Variants in CSMD1 observed in about 807,000 individuals in gnomAD.
CSMD1 encodes CUB and Sushi multiple domains 1, also known as CUB and sushi domain-containing protein 1.
Under a neutral mutation model 417.5 loss-of-function variants are expected in CSMD1, and 213 were observed. That is an observed-to-expected ratio of 0.51 (90% confidence interval 0.46 to 0.57). CSMD1 has a LOEUF of 0.57. Ranked by LOEUF, CSMD1 falls within the 20% of genes least tolerant of loss-of-function variation. CSMD1 has a pLI of 0.00. For missense variants in CSMD1, 6,923 were observed against 4,529.7 expected (o/e 1.53, Z -15.17); for synonymous variants, 2,862 against 1,736.8 (o/e 1.65, Z -16.11).
intron 48 of CSMD1, among the ~76,000 whole-genome samples, chr8:3,090,282 A>T (rs1163411099): frequency 1.5e-5 from 2 of 129,288 alleles, no homozygotes; most frequent in Non-Finnish European, 3.1e-5. Flanking sequence ...GCACCACTGC[A>T]CTCCAGCCTG....
intron 26 of CSMD1, among the ~76,000 whole-genome samples, chr8:3,236,713 T>C (rs545120330): frequency 1.2e-3 from 180 of 152,330 alleles, no homozygotes; most frequent in African/African-American, 4.0e-3. Flanking sequence ...TGCCACATCA[T>C]ACACTTCACT....
chr8:4,349,470 T>C (rs368078580), intron 3 of CSMD1, among the ~76,000 whole-genome samples: 98 of 152,320 alleles, frequency 6.4e-4, no homozygotes, highest in African/African-American at 2.1e-3. Context: ...TCAGGTTATA[T>C]AGGTAGAAAA....
At chr8:3,325,951 C>A (rs1806502247) in intron 23 of CSMD1, among the ~76,000 whole-genome samples, 1 of 152,134 alleles carries the variant, frequency 6.6e-6, no homozygotes, top group Non-Finnish European at 1.5e-5. Flanking sequence ...AAATAATTGG[C>A]AAAACTAAAC....
At chr8:3,499,502 G>T (rs112210411) in intron 10 of CSMD1, among the ~76,000 whole-genome samples, 7 of 152,182 alleles carry the variant, frequency 4.6e-5, no homozygotes, top group Middle Eastern at 3.4e-3. Context: ...TGCTTGGAGT[G>T]GGGGGAGTGT....
At chr8:3,339,640 C>T (rs1011704297) in intron 23 of CSMD1, among the ~76,000 whole-genome samples, 3 of 152,214 alleles carry the variant, frequency 2.0e-5, no homozygotes, top group Non-Finnish European at 4.4e-5. Flanking sequence ...ATATCCAATG[C>T]TTCTGTTACT....
intron 1 of CSMD1, among the ~76,000 whole-genome samples, chr8:4,888,851 G>T (rs989945014): frequency 6.6e-6 from 1 of 152,176 alleles, no homozygotes; most frequent in East Asian, 1.9e-4. Flanking sequence ...GAGATTTTCA[G>T]CAACAAAGAG....
At chr8:3,136,374 C>G (rs1342644857) in intron 41 of CSMD1, among the ~76,000 whole-genome samples, 2 of 151,678 alleles carry the variant, frequency 1.3e-5, no homozygotes, top group East Asian at 1.9e-4. Flanking sequence ...AAGCGATTCT[C>G]CTGCCTCAGC....
chr8:4,477,080 A>C (rs1488584616), intron 2 of CSMD1, among the ~76,000 whole-genome samples: 1 of 152,234 alleles, frequency 6.6e-6, no homozygotes, highest in South Asian at 2.1e-4. Context: ...AGGGAGAGGG[A>C]AGAGCAGGTG....
chr8:4,309,472 A>C (rs571960106), intron 3 of CSMD1, among the ~76,000 whole-genome samples: 559 of 109,236 alleles, frequency 5.1e-3, no homozygotes, highest in Middle Eastern at 8.1e-3. Context: ...GAAAAAATAA[A>C]TATTAAATGC....
At chr8:3,410,478 T>G (rs549483630) in intron 12 of CSMD1, among the ~76,000 whole-genome samples, 1 of 152,280 alleles carries the variant, frequency 6.6e-6, no homozygotes, top group East Asian at 1.9e-4. Flanking sequence ...GTTCTCAGGA[T>G]AGTGAATAAG....
At chr8:3,177,883 G>C (rs1306479056) in intron 37 of CSMD1, among the ~76,000 whole-genome samples, 2 of 75,540 alleles carry the variant, frequency 2.6e-5, no homozygotes, top group African/African-American at 1.3e-4. Context: ...AAGATATCTG[G>C]ATATGTATTT....
rs533131358 is a variant in CSMD1, at chr8:4,682,060, C to G, written c.86-44502G>C. Among the ~76,000 whole-genome samples, 8 of 152,210 alleles carry G rather than the reference C, an allele frequency of 5.3e-5. No homozygotes were observed. The East Asian group carries it at 1.5e-3, about 29-fold the overall frequency. On this transcript the variant is annotated intron_variant, in intron 1 of 69. Coordinates refer to ENST00000635120, the MANE Select transcript of CSMD1 (RefSeq NM_033225.6). ...TTGAGACAGGGTCTCACTCTGTCAC[C>G]CAGGCTGAAGTGCTGTGGGGTGATC...
chr8:4,621,171 C>T (rs980176603), intron 2 of CSMD1, among the ~76,000 whole-genome samples: 11 of 151,978 alleles, frequency 7.2e-5, no homozygotes, highest in Admixed American at 2.6e-4. Context: ...GGAATATATG[C>T]AGACCTATAA....
At chr8:3,366,193 G>T (rs576978238) in intron 20 of CSMD1, among the ~76,000 whole-genome samples, 3 of 152,270 alleles carry the variant, frequency 2.0e-5, no homozygotes, top group African/African-American at 7.2e-5. Context: ...TAATATGATT[G>T]TTCCCATCCT....
At chr8:3,563,255 A>T (rs1799549635) in intron 10 of CSMD1, among the ~76,000 whole-genome samples, 1 of 151,926 alleles carries the variant, frequency 6.6e-6, no homozygotes, top group African/African-American at 2.4e-5. Context: ...CCGGGATTTT[A>T]GTGACTTTTC....
chr8:4,869,919 G>T (rs1213679434), intron 1 of CSMD1, among the ~76,000 whole-genome samples: 2 of 151,898 alleles, frequency 1.3e-5, no homozygotes, highest in Non-Finnish European at 2.9e-5. Context: ...GAGTATAAAA[G>T]TGGTCTCTTA....
intron 3 of CSMD1, among the ~76,000 whole-genome samples, chr8:4,115,077 C>A (rs189509578): frequency 9.7e-4 from 147 of 152,234 alleles, no homozygotes; most frequent in African/African-American, 3.4e-3. Flanking sequence ...GAGCAAAATG[C>A]TGTCAAACGG....
chr8:3,946,346 A>C (rs919688555), intron 5 of CSMD1, among the ~76,000 whole-genome samples: 4 of 152,116 alleles, frequency 2.6e-5, no homozygotes, highest in Admixed American at 2.6e-4. Context: ...TCGTCAAAAA[A>C]ATCATTTTAT....
chr8:4,731,726 A>G (rs1299785997), intron 1 of CSMD1, among the ~76,000 whole-genome samples: 2 of 152,166 alleles, frequency 1.3e-5, no homozygotes, highest in African/African-American at 4.8e-5. Context: ...GGACCCAGGA[A>G]CAGCAGCCAC....
Sources: gnomAD v4.1 joint callset for allele counts (sites outside exome capture counted in the v4.1 genomes callset) on GRCh38, gnomAD v4.1.1 for gene constraint, MANE v1.5 for transcripts, NCBI Gene and HGNC (gene_info 2026-07-23, HGNC 2026-07-21) for gene names.